The following MRTFA variants were observed in gnomAD, a reference collection of about 807,000 sequenced individuals.
The protein encoded by MRTFA is myocardin-related transcription factor A.
In MRTFA, 20 loss-of-function variants were observed where a neutral mutation model predicts 83.5. The observed-to-expected ratio is 0.24, with a 90% CI of 0.17 to 0.35. MRTFA has a LOEUF of 0.35. Among genes scored for constraint, MRTFA ranks in the 10% least tolerant of loss-of-function variants. MRTFA has a pLI of 1.00. For missense variants in MRTFA, 1,200 were observed against 1,224.7 expected (o/e 0.98, Z 0.30); for synonymous variants, 659 against 541.2 (o/e 1.22, Z -3.02).
At chr22:40,622,524 T>C (rs1237775072) in intron 1 of MRTFA, among the ~76,000 whole-genome samples, 3 of 149,738 alleles carry the variant, frequency 2.0e-5, no homozygotes, top group African/African-American at 4.9e-5. Flanking sequence ...AGTCCAATCA[T>C]ATGTCCTTAC....
intron 14 of MRTFA, chr22:40,412,467 A>G (rs1246779361): frequency 6.6e-6 from 1 of 152,226 alleles, no homozygotes; most frequent in Non-Finnish European, 1.5e-5. Flanking sequence ...TGATCTAGCA[A>G]TTCCACTGCT....
At chr22:40,595,171 A>G (rs1325906181) in intron 1 of MRTFA, among the ~76,000 whole-genome samples, 1 of 145,750 alleles carries the variant, frequency 6.9e-6, no homozygotes, top group Non-Finnish European at 1.5e-5. Context: ...CCGGGCTGGA[A>G]TGCAATGGCG....
chr22:40,595,818 A>G (rs1342825340), intron 1 of MRTFA, among the ~76,000 whole-genome samples: 1 of 151,468 alleles, frequency 6.6e-6, no homozygotes, highest in Non-Finnish European at 1.5e-5. Flanking sequence ...CAAGGAAAAG[A>G]GAACAAAGAC....
Position 40,411,404 on chromosome 22 carries a change from C to T in MRTFA, c.3082G>A (p.Asp1028Asn). The T allele has an allele frequency of 6.4e-7, 1 of 1,560,830 alleles. No individual in the cohort carries two copies. Among genetic ancestry groups the T allele is most frequent in the African/African-American group, 1.3e-5 (1 of 74,222 alleles). Reference sequence around the variant, plus strand: ...GAGCCAGAGAGCTACAAGCAGGAATCCCAGTGCAGCTGCAAATCATGGCCA... The same window carrying T: ...GAGCCAGAGAGCTACAAGCAGGAATTCCAGTGCAGCTGCAAATCATGGCCA... Residue 1028 changes from aspartate (D) to asparagine (N), a missense_variant, in exon 15 of 15, where the codon GAT becomes AAT. Physicochemically the swap from Asp to Asn is conservative, Grantham distance 23. This residue lies in a region of MRTFA where 1,107 missense variants were observed against 1,041.8 expected (regional missense o/e 1.06). Transcript: ENST00000355630.
intron 2 of MRTFA, among the ~76,000 whole-genome samples, chr22:40,579,158 C>T (rs1348370611): frequency 6.6e-6 from 1 of 152,110 alleles, no homozygotes; most frequent in African/African-American, 2.4e-5. Flanking sequence ...AGGGAAAATA[C>T]CCATAGCCAA....
intron 3 of MRTFA, among the ~76,000 whole-genome samples, chr22:40,481,283 T>C (rs1364215054): frequency 1.3e-5 from 2 of 152,164 alleles, no homozygotes; most frequent in African/African-American, 4.8e-5. Flanking sequence ...TACAACTTCC[T>C]TCCTGCATTC....
intron 1 of MRTFA, among the ~76,000 whole-genome samples, chr22:40,629,516 C>G (rs1157466550): frequency 6.6e-6 from 1 of 151,084 alleles, no homozygotes; most frequent in Non-Finnish European, 1.5e-5. Flanking sequence ...AATCCCAATA[C>G]TTTGGGAGGC....
chr22:40,598,150 T>C (rs1240142919), intron 1 of MRTFA, among the ~76,000 whole-genome samples: 2 of 152,198 alleles, frequency 1.3e-5, no homozygotes, highest in Non-Finnish European at 2.9e-5. Context: ...TCCTGGATTT[T>C]AGCTCAAAGT....
intron 5 of MRTFA, among the ~76,000 whole-genome samples, chr22:40,435,272 T>C (rs918443370): frequency 3.9e-5 from 6 of 152,166 alleles, no homozygotes; most frequent in African/African-American, 1.4e-4. Flanking sequence ...AGAAACCTCA[T>C]TCCAATCATG....
intron 7 of MRTFA, among the ~76,000 whole-genome samples, chr22:40,425,932 G>GT (rs1315628171): frequency 6.6e-6 from 1 of 152,216 alleles, no homozygotes; most frequent in Non-Finnish European, 1.5e-5. Context: ...CAAAGATGGG[G>GT]TCCCTGCCCT....
At chr22:40,437,004 G>A (rs533550169) in intron 4 of MRTFA, among the ~76,000 whole-genome samples, 28 of 152,180 alleles carry the variant, frequency 1.8e-4, no homozygotes, top group African/African-American at 6.3e-4. Flanking sequence ...TGTCCCAGTG[G>A]TATTTATTTT....
chr22:40,416,865 AC>A lies in MRTFA; in HGVS notation c.2578+120del, dbSNP rs2052690906. Reference sequence around the variant, plus strand: ...AGGGCTCACAGCCACCACTGCATCCACAGTGCTTGCCCAAGACTGGTCACGC... The same window carrying A: ...AGGGCTCACAGCCACCACTGCATCCAAGTGCTTGCCCAAGACTGGTCACGC... On this transcript the variant is annotated intron_variant, in intron 14 of 14. Transcript: ENST00000355630. The surrounding 1 kb of genome is among the most constrained non-coding windows in gnomAD (Gnocchi z 4.2). 1.1e-6 allele frequency: 1 copy of A among 932,612 alleles called. No homozygotes were observed. Among genetic ancestry groups the A allele is most frequent in the African/African-American group, 1.7e-5 (1 of 59,726 alleles). 57.8% of individuals were successfully genotyped at this position (932,612 alleles called of 1,614,324 possible). A position where few individuals can be genotyped will look rare whatever the true frequency, so the allele number is the denominator to read the frequency against.
intron 1 of MRTFA, among the ~76,000 whole-genome samples, chr22:40,608,142 A>T (rs1393185581): frequency 2.0e-5 from 3 of 152,134 alleles, no homozygotes; most frequent in Non-Finnish European, 4.4e-5. Flanking sequence ...CTCCTGCCTC[A>T]GACTCCCGAG....
chr22:40,456,164 C>A (rs1049588125), intron 4 of MRTFA, among the ~76,000 whole-genome samples: 1 of 151,970 alleles, frequency 6.6e-6, no homozygotes, highest in Non-Finnish European at 1.5e-5. Flanking sequence ...GGTCTTATTA[C>A]GAGAAACACT....
chr22:40,625,835 C>CCCACAACCTCTTTCCCTTCAATG (rs1490486127), intron 1 of MRTFA, among the ~76,000 whole-genome samples: 1 of 151,984 alleles, frequency 6.6e-6, no homozygotes, highest in Non-Finnish European at 1.5e-5. Context: ...AGAATAAAAA[C>CCCACAACCTCTTTCCCTTCAATG]CCACAACCTC....
chr22:40,595,281 G>A (rs990361076), intron 1 of MRTFA, among the ~76,000 whole-genome samples: 9 of 151,670 alleles, frequency 5.9e-5, no homozygotes, highest in South Asian at 2.1e-4. Context: ...CCATTACGTC[G>A]GGCTATTTTT....
intron 2 of MRTFA, among the ~76,000 whole-genome samples, chr22:40,593,940 C>T (rs2056155627): frequency 1.3e-5 from 2 of 152,188 alleles, no homozygotes; most frequent in Admixed American, 1.3e-4. Context: ...ACTAGAACTA[C>T]ATGAACTAGC....
chr22:40,539,860 C>T (rs1457849395), intron 3 of MRTFA, among the ~76,000 whole-genome samples: 2 of 151,348 alleles, frequency 1.3e-5, no homozygotes, highest in African/African-American at 4.9e-5. Flanking sequence ...TTTATAAATT[C>T]CTTAATATCA....
At chr22:40,526,597 G>A (rs1436349360) in intron 3 of MRTFA, 1 of 152,194 alleles carries the variant, frequency 6.6e-6, no homozygotes, top group East Asian at 1.9e-4. Flanking sequence ...TTCAGTGAAT[G>A]AGAATAACTG....
Sources: gnomAD v4.1 joint callset for allele counts (sites outside exome capture counted in the v4.1 genomes callset) on GRCh38, gnomAD v4.1.1 for gene constraint, gnomAD v4.1.1 regional missense constraint, Gnocchi (gnomAD v3.1) non-coding constraint, MANE v1.5 for transcripts, NCBI Gene and HGNC (gene_info 2026-07-23, HGNC 2026-07-21) for gene names.